RBFOX1: variants seen among roughly 807,000 people sequenced by gnomAD.
The protein encoded by RBFOX1 is RNA binding fox-1 homolog 1, also known as RNA binding protein fox-1 homolog 1.
In RBFOX1, 8 loss-of-function variants were observed where a neutral mutation model predicts 57.7. The observed-to-expected ratio is 0.14, with a 90% CI of 0.08 to 0.25. RBFOX1 has a LOEUF of 0.25. Among genes scored for constraint, RBFOX1 ranks in the 10% least tolerant of loss-of-function variants. The pLI is 1.00. For synonymous variants in RBFOX1, 326 were observed against 222.4 expected (o/e 1.47, Z -4.15); for missense variants, 611 against 548.5 (o/e 1.11, Z -1.14).
At chr16:6,082,453 G>A (rs541450747) in intron 1 of RBFOX1, among the ~76,000 whole-genome samples, 1 of 143,332 alleles carries the variant, frequency 7.0e-6, no homozygotes, top group Non-Finnish European at 1.5e-5. Flanking sequence ...ACAGGTTTGA[G>A]CCACCGTGCC....
intron 3 of RBFOX1, among the ~76,000 whole-genome samples, chr16:5,793,046 G>A (rs112735942): frequency 1.3e-5 from 2 of 152,334 alleles, no homozygotes; most frequent in African/African-American, 2.4e-5. Context: ...TCAAACCCAC[G>A]TTGTGTTGTT....
At chr16:6,445,667 C>T (rs764328484) in intron 2 of RBFOX1, among the ~76,000 whole-genome samples, 1 of 151,652 alleles carries the variant, frequency 6.6e-6, no homozygotes. Flanking sequence ...ACAGCAACCT[C>T]CACCCCCTGG....
At chr16:5,828,474 C>T (rs112090096) in intron 3 of RBFOX1, among the ~76,000 whole-genome samples, 13 of 151,962 alleles carry the variant, frequency 8.6e-5, no homozygotes, top group Admixed American at 2.6e-4. Flanking sequence ...CCGAGGTGGG[C>T]GGATCGCGAG....
At chr16:6,866,539 C>CTTTTTTTTTTTTTTT (rs1161474639) in intron 3 of RBFOX1, among the ~76,000 whole-genome samples, 7 of 49,082 alleles carry the variant, frequency 1.4e-4, no homozygotes, top group South Asian at 8.9e-4. Flanking sequence ...TTCTTTCCTT[C>CTTTTTTTTTTTTTTT]TATTTTTTTT....
chr16:7,565,383 T>G (rs2091426126), intron 5 of RBFOX1, among the ~76,000 whole-genome samples: 1 of 152,116 alleles, frequency 6.6e-6, no homozygotes, highest in Admixed American at 6.6e-5. Flanking sequence ...TTTTATCAGG[T>G]TTACAAATCA....
intron 3 of RBFOX1, among the ~76,000 whole-genome samples, chr16:6,916,271 C>T (rs980304392): frequency 6.6e-6 from 1 of 152,144 alleles, no homozygotes; most frequent in Non-Finnish European, 1.5e-5. Flanking sequence ...GATGGAGTCA[C>T]TGTTGTTTCC....
At chr16:5,840,539 A>G (rs1339923907) in intron 3 of RBFOX1, among the ~76,000 whole-genome samples, 1 of 152,164 alleles carries the variant, frequency 6.6e-6, no homozygotes, top group Admixed American at 6.5e-5. Flanking sequence ...CCCCACTGCC[A>G]TCATGATCTT....
intron 4 of RBFOX1, among the ~76,000 whole-genome samples, chr16:7,160,229 T>C (rs1050519068): frequency 6.6e-6 from 1 of 152,166 alleles, no homozygotes; most frequent in African/African-American, 2.4e-5. Context: ...CAAAGAGTTT[T>C]ATGACTATGT....
intron 3 of RBFOX1, among the ~76,000 whole-genome samples, chr16:6,948,628 C>T (rs539572700): frequency 2.6e-5 from 4 of 152,034 alleles, no homozygotes; most frequent in East Asian, 1.9e-4. Flanking sequence ...ATGATCTGCT[C>T]GCCTTGGCCT....
intron 2 of RBFOX1, among the ~76,000 whole-genome samples, chr16:6,551,477 A>G (rs145302463): frequency 2.3e-3 from 345 of 152,350 alleles, no homozygotes; most frequent in African/African-American, 7.8e-3. Flanking sequence ...ATAAGTAACC[A>G]TTTAGCAAAT....
At chr16:6,331,513 A>G (rs959480811) in intron 2 of RBFOX1, among the ~76,000 whole-genome samples, 1 of 150,660 alleles carries the variant, frequency 6.6e-6, no homozygotes, top group African/African-American at 2.4e-5. Context: ...AAATGGAAGG[A>G]TCCTCCATTT....
chr16:7,394,518 C>T (rs1278860742), intron 4 of RBFOX1, among the ~76,000 whole-genome samples: 1 of 152,076 alleles, frequency 6.6e-6, no homozygotes, highest in Non-Finnish European at 1.5e-5. Flanking sequence ...GATGCATAGG[C>T]AGTGAAACCA....
chr16:6,174,136 A>C (rs1263132101), intron 1 of RBFOX1, among the ~76,000 whole-genome samples: 2 of 152,184 alleles, frequency 1.3e-5, no homozygotes, highest in South Asian at 2.1e-4. Flanking sequence ...CTTGGTTTGC[A>C]CTTCTATGAG....
At chr16:7,277,981 T>G (rs1397205622) in intron 4 of RBFOX1, among the ~76,000 whole-genome samples, 1 of 151,936 alleles carries the variant, frequency 6.6e-6, no homozygotes, top group Non-Finnish European at 1.5e-5. Context: ...GACATTAATA[T>G]TTTATTGAAA....
chr16:7,053,925 A>G (rs1183815226), intron 4 of RBFOX1, among the ~76,000 whole-genome samples: 1 of 152,112 alleles, frequency 6.6e-6, no homozygotes, highest in Non-Finnish European at 1.5e-5. Context: ...TAGAGCACAC[A>G]TATATAGGGT....
intron 4 of RBFOX1, among the ~76,000 whole-genome samples, chr16:7,488,862 C>T (rs1207432320): frequency 6.6e-6 from 1 of 152,208 alleles, no homozygotes. Context: ...TCTATACATT[C>T]ATCCCCTACT....
chr16:5,461,974 A>C (rs1274911869), intron 1 of RBFOX1, among the ~76,000 whole-genome samples: 1 of 151,878 alleles, frequency 6.6e-6, no homozygotes, highest in Non-Finnish European at 1.5e-5. Context: ...CTCTTGATCT[A>C]TTTTGCCTGG....
At chr16:6,212,997 A>G (rs1401906106) in intron 1 of RBFOX1, among the ~76,000 whole-genome samples, 1 of 152,176 alleles carries the variant, frequency 6.6e-6, no homozygotes, top group Non-Finnish European at 1.5e-5. Flanking sequence ...TTAATTTTAT[A>G]TTCACTGTTG....
In RBFOX1 at chr16:7,341,738, C is replaced by T. The variant is rs12924169; in HGVS notation, c.28-176409C>T. The stretch of plus-strand genomic sequence containing the variant: ...TCCTTCCCTCCCTCCCTCCCTCCTT[C>T]CCTCCCTCCCTCCCTCCTTCCCTCC... On this transcript the variant is annotated intron_variant, in intron 4 of 15. Coordinates refer to ENST00000550418, the MANE Select transcript of RBFOX1 (RefSeq NM_018723.4). 3.0e-3 allele frequency among the ~76,000 whole-genome samples: 326 copies of T among 109,570 alleles called. 2 individuals are homozygous for T. The highest frequency in any genetic ancestry group is 4.6e-3 in the Middle Eastern group (1 of 216). The allele number at this position is 109,570 out of a possible 152,430, so 71.9% of individuals were successfully genotyped here.
Sources: allele counts gnomAD v4.1 joint callset (sites outside exome capture counted in the v4.1 genomes callset), GRCh38; gene constraint gnomAD v4.1.1; transcripts MANE v1.5; gene names NCBI Gene and HGNC (gene_info 2026-07-23, HGNC 2026-07-21).